VPS35L: variants seen among roughly 807,000 people sequenced by gnomAD.
The protein encoded by VPS35L is VPS35 endosomal protein-sorting factor-like.
In VPS35L, 83 loss-of-function variants were observed where a neutral mutation model predicts 133.0. The observed-to-expected ratio is 0.62, with a 90% confidence interval of 0.52 to 0.75. The LOEUF (loss-of-function observed/expected upper bound fraction) is 0.75. Among genes scored for constraint, VPS35L ranks in the 30% least tolerant of loss-of-function variants. The pLI, the probability that VPS35L is intolerant of heterozygous loss-of-function variation, is 0.00. For synonymous variants in VPS35L, 423 were observed against 449.9 expected, an observed-to-expected ratio of 0.94 and a Z score of 0.76; for missense variants, 1,083 against 1,206.8, an observed-to-expected ratio of 0.90 and a Z score of 1.52.
In VPS35L at chr16:19,618,990, G is replaced by C. The variant is rs541083581; in HGVS notation, c.1224+2182G>C. Among the ~76,000 whole-genome samples, 30 of 151,278 alleles carry C rather than the reference G, an allele frequency of 2.0e-4. 1 individual carries two copies. The highest frequency in any genetic ancestry group is 3.8e-4 in the Non-Finnish European group (26 of 67,846). On this transcript the variant is annotated intron_variant, in intron 14 of 30. Transcript: ENST00000417362. Reference sequence around the variant, plus strand: ...CTGTCTCCCAGGCTGGAGTGCACTGGTGCAATCTCGGCTCGCTACAACCTC... The same window carrying C: ...CTGTCTCCCAGGCTGGAGTGCACTGCTGCAATCTCGGCTCGCTACAACCTC...
intron 3 of VPS35L, among the ~76,000 whole-genome samples, chr16:19,572,468 A>G (rs1971413421): frequency 6.6e-6 from 1 of 152,120 alleles, no homozygotes; most frequent in Non-Finnish European, 1.5e-5. Context: ...CTATCACCAA[A>G]TTGTCCTCCA....
chr16:19,610,459 C>A (rs373481277), intron 12 of VPS35L, 44 bp downstream of exon 12: 1 of 1,506,540 alleles, frequency 6.6e-7, no homozygotes, highest in South Asian at 1.2e-5. Context: ...GGCTGCCACC[C>A]GTCTCCTTGA....
intron 1 of VPS35L, among the ~76,000 whole-genome samples, chr16:19,561,434 TC>T (rs1477753957): frequency 8.5e-5 from 13 of 152,160 alleles, no homozygotes; most frequent in African/African-American, 3.1e-4. Flanking sequence ...TCTCCTCCTT[TC>T]CTACACTTGA....
intron 29 of VPS35L, among the ~76,000 whole-genome samples, chr16:19,694,853 A>G (rs1330726937): frequency 1.3e-5 from 2 of 152,016 alleles, no homozygotes; most frequent in Non-Finnish European, 2.9e-5. Context: ...TAAAAATACA[A>G]AAATTAGCCG....
At chr16:19,632,761 T>C (rs1156588202) in intron 18 of VPS35L, among the ~76,000 whole-genome samples, 1 of 152,234 alleles carries the variant, frequency 6.6e-6, no homozygotes, top group Admixed American at 6.5e-5. Flanking sequence ...TGCTTCACTG[T>C]TCTCTCTGCA....
intron 26 of VPS35L, 161 bp downstream of exon 26, chr16:19,652,251 C>T (rs1415650712): frequency 1.7e-6 from 1 of 597,490 alleles, no homozygotes; most frequent in Non-Finnish European, 3.0e-6. Flanking sequence ...ATCATAGTTT[C>T]CTGTAACCTC....
At position 19,651,276 on chromosome 16, in the gene VPS35L, T is replaced by C. The variant is rs573660244; in HGVS notation, c.2107-700T>C. Among the ~76,000 whole-genome samples, 4 of 152,076 alleles carry C rather than the reference T, an allele frequency of 2.6e-5. No homozygotes were observed. The South Asian group carries it at 8.3e-4, about 32-fold the overall frequency. On this transcript the variant is annotated intron_variant, in intron 25 of 30. Coordinates refer to ENST00000417362, the MANE Select transcript of VPS35L (RefSeq NM_020314.7). ...CAAAATTTATTTAGCTATTCATTCA[T>C]TTATTTATTTTTGGAGACAGGGTCT...
intron 27 of VPS35L, among the ~76,000 whole-genome samples, chr16:19,676,267 CAAAA>C (rs1404338983): frequency 6.6e-6 from 1 of 152,096 alleles, no homozygotes; most frequent in African/African-American, 2.4e-5. Flanking sequence ...AACACACACA[CAAAA>C]AGAAAGGATA....
chr16:19,616,019 C>T (rs752507262), intron 12 of VPS35L, 95 bp from the exon 13 acceptor site: 3 of 621,628 alleles, frequency 4.8e-6, no homozygotes, highest in African/African-American at 2.0e-5. Context: ...TTTTCTGTGT[C>T]TATAAACATA....
chr16:19,602,436 A>G (rs1972414447), intron 9 of VPS35L, among the ~76,000 whole-genome samples: 1 of 151,934 alleles, frequency 6.6e-6, no homozygotes. Flanking sequence ...GGTGAATAGA[A>G]AGTGTTTGTG....
chr16:19,580,651 G>T (rs866985217), intron 6 of VPS35L, among the ~76,000 whole-genome samples: 3 of 152,014 alleles, frequency 2.0e-5, no homozygotes, highest in South Asian at 4.2e-4. Context: ...AGCTGCCGAG[G>T]GTTTTTGCTA....
intron 22 of VPS35L, among the ~76,000 whole-genome samples, chr16:19,644,137 A>G (rs1973869269): frequency 6.6e-6 from 1 of 152,164 alleles, no homozygotes; most frequent in Admixed American, 6.5e-5. Flanking sequence ...TTTATTCCCC[A>G]AATAACTATT....
rs1304901222 is a variant in VPS35L, at chr16:19,581,522, C to T, written c.511-3C>T. ...GCCTTCACCTTCTGCCTTCTCCCCA[C>T]AGGGTTCCCAAAAGGAGCTGTTGAA... is the stretch of plus-strand genomic sequence containing the variant. On this transcript the variant is annotated splice_polypyrimidine_tract_variant and splice_region_variant and intron_variant, in intron 6 of 30. Transcript: ENST00000417362. 6.3e-6 allele frequency: 10 copies of T among 1,594,902 alleles called. No individual in the cohort carries two copies. The highest frequency in any genetic ancestry group is 1.3e-5 in the African/African-American group (1 of 74,314).
chr16:19,668,415 C>T (rs1431668109), intron 26 of VPS35L, among the ~76,000 whole-genome samples: 2 of 152,192 alleles, frequency 1.3e-5, no homozygotes, highest in Admixed American at 1.3e-4. Context: ...CCTGCTCTCC[C>T]TCATCCCTTC....
chr16:19,656,067 A>G (rs1410148989), intron 26 of VPS35L, among the ~76,000 whole-genome samples: 1 of 152,010 alleles, frequency 6.6e-6, no homozygotes, highest in Non-Finnish European at 1.5e-5. Flanking sequence ...GTTCAAGACC[A>G]GCCTGGCCAA....
rs1398402932 is a variant in VPS35L at position 19,610,222 on chromosome 16, C to A, written c.930-100C>A. ...GTTACTGAAACTTGATTTTTCCCCC[C>A]CTCCCTGAAATTTAGGAAGTCTTTA... On this transcript the variant is annotated intron_variant, in intron 11 of 30. Coordinates refer to ENST00000417362, the MANE Select transcript of VPS35L (RefSeq NM_020314.7). 13 of 1,000,314 alleles carry A rather than the reference C, an allele frequency of 1.3e-5. No individual in the cohort carries two copies. The Admixed American group carries it at 2.8e-4, about 22-fold the overall frequency. The allele number at this position is 1,000,314 out of a possible 1,614,324, so 62.0% of individuals were successfully genotyped here.
At chr16:19,595,317 G>A (rs1213786391) in intron 8 of VPS35L, among the ~76,000 whole-genome samples, 2 of 152,164 alleles carry the variant, frequency 1.3e-5, no homozygotes, top group African/African-American at 2.4e-5. Context: ...TTGGCCCCGG[G>A]AGGCGGTGGA....
At chr16:19,618,634 T>C (rs1388060833) in intron 14 of VPS35L, among the ~76,000 whole-genome samples, 1 of 152,182 alleles carries the variant, frequency 6.6e-6, no homozygotes, top group Admixed American at 6.5e-5. Context: ...TCAGCTCCGT[T>C]AACAGCTGTT....
rs150665723 is a variant in VPS35L, at chr16:19,597,276, C to T, written c.725-4388C>T. Among the ~76,000 whole-genome samples the T allele has an allele frequency of 4.9e-3, 742 of 151,646 alleles. 6 individuals carry two copies. Among genetic ancestry groups the T allele is most frequent in the Non-Finnish European group, 6.3e-3 (427 of 67,910 alleles). ...GTCCCAGCTACTTAGGAGGCAGAGG[C>T]AGGCAGATTCCTTGAGCCCAAGAAG... On this transcript the variant is annotated intron_variant, in intron 8 of 30. Coordinates refer to ENST00000417362, the MANE Select transcript of VPS35L (RefSeq NM_020314.7).
Sources: allele counts gnomAD v4.1 joint callset (sites outside exome capture counted in the v4.1 genomes callset), GRCh38; gene constraint gnomAD v4.1.1; transcripts MANE v1.5; gene names NCBI Gene and HGNC (gene_info 2026-07-23, HGNC 2026-07-21).